The following UNC5D variants were observed in gnomAD, a reference collection of about 807,000 sequenced individuals.
UNC5D encodes the protein unc-5 netrin receptor D.
A neutral mutation model predicts 105.4 loss-of-function variants in UNC5D; 39 were observed. The observed-to-expected ratio is 0.37, with a 90% CI of 0.29 to 0.48. UNC5D has a LOEUF of 0.48. UNC5D is among the 20% of genes least tolerant of loss of function. The pLI, the probability that UNC5D is intolerant of heterozygous loss-of-function variation, is 0.98. For missense variants in UNC5D, 991 were observed against 1,202.4 expected (o/e 0.82, Z 2.60); for synonymous variants, 452 against 450.4 (o/e 1.00, Z -0.04).
chr8:35,575,603 T>G (rs1818037645), intron 3 of UNC5D, among the ~76,000 whole-genome samples: 2 of 152,156 alleles, frequency 1.3e-5, no homozygotes, highest in Non-Finnish European at 2.9e-5. Context: ...TCCCTTCCTA[T>G]CTGTTCAGAA....
chr8:35,312,138 C>T (rs1808936178), intron 1 of UNC5D, among the ~76,000 whole-genome samples: 1 of 152,144 alleles, frequency 6.6e-6, no homozygotes, highest in Non-Finnish European at 1.5e-5. Flanking sequence ...TAATTGAATG[C>T]TGTCACAGCA....
At chr8:35,284,325 C>T (rs558705403) in intron 1 of UNC5D, among the ~76,000 whole-genome samples, 72 of 152,288 alleles carry the variant, frequency 4.7e-4, no homozygotes, top group African/African-American at 1.6e-3. Flanking sequence ...AAATTCACTA[C>T]TTTTGGTGAC....
chr8:35,604,412 A>C (rs555714782), intron 4 of UNC5D, among the ~76,000 whole-genome samples: 9 of 152,298 alleles, frequency 5.9e-5, no homozygotes, highest in Admixed American at 2.6e-4. Context: ...CGGAGAGATC[A>C]GCTGTTAGTC....
intron 1 of UNC5D, among the ~76,000 whole-genome samples, chr8:35,496,697 A>G (rs193247930): frequency 2.0e-5 from 3 of 152,246 alleles, no homozygotes; most frequent in East Asian, 3.9e-4. Context: ...ATTTTAGTAT[A>G]TTTTTAGAAC....
intron 4 of UNC5D, among the ~76,000 whole-genome samples, chr8:35,672,046 G>T (rs1219016984): frequency 1.3e-5 from 2 of 152,116 alleles, no homozygotes; most frequent in South Asian, 2.1e-4. Context: ...CTCACTGACA[G>T]AAATATTTTT....
intron 1 of UNC5D, among the ~76,000 whole-genome samples, chr8:35,416,387 A>G (rs931176924): frequency 3.3e-5 from 5 of 151,958 alleles, no homozygotes; most frequent in African/African-American, 4.8e-5. Context: ...TAATGCACTG[A>G]TTTTTTTTCT....
At chr8:35,680,423 T>A (rs1456099783) in intron 4 of UNC5D, among the ~76,000 whole-genome samples, 3 of 152,120 alleles carry the variant, frequency 2.0e-5, no homozygotes, top group African/African-American at 7.2e-5. Context: ...TGTGGATTTT[T>A]TTTTATTTCA....
At chr8:35,686,522 G>C (rs768758956) in intron 6 of UNC5D, 23 bp from the exon 7 acceptor site, 3 of 1,541,110 alleles carry the variant, frequency 1.9e-6, no homozygotes, top group Non-Finnish European at 1.7e-6. Context: ...TCTAACAATG[G>C]TTTCTTTTGT....
chr8:35,544,170 C>T (rs1353336185), intron 1 of UNC5D, among the ~76,000 whole-genome samples: 1 of 152,150 alleles, frequency 6.6e-6, no homozygotes, highest in Non-Finnish European at 1.5e-5. Context: ...AGGCTTATTA[C>T]CACAATCTGT....
At chr8:35,314,934 A>G (rs1809175851) in intron 1 of UNC5D, among the ~76,000 whole-genome samples, 1 of 152,174 alleles carries the variant, frequency 6.6e-6, no homozygotes, top group Non-Finnish European at 1.5e-5. Context: ...GAAATGATCC[A>G]CAAAAGAAGG....
intron 1 of UNC5D, among the ~76,000 whole-genome samples, chr8:35,260,277 TGGAGC>T (rs1487006778): frequency 2.0e-5 from 3 of 152,142 alleles, no homozygotes; most frequent in African/African-American, 4.8e-5. Flanking sequence ...TAGACACCTC[TGGAGC>T]GGTCCATCAT....
chr8:35,556,025 G>T (rs1195455683), intron 2 of UNC5D, among the ~76,000 whole-genome samples: 1 of 151,890 alleles, frequency 6.6e-6, no homozygotes, highest in African/African-American at 2.4e-5. Context: ...TACTTTTTCA[G>T]GTGGATGTGG....
chr8:35,482,996 T>C (rs1318922193), intron 1 of UNC5D, among the ~76,000 whole-genome samples: 1 of 151,484 alleles, frequency 6.6e-6, no homozygotes, highest in Non-Finnish European at 1.5e-5. Flanking sequence ...AGAGAGGAGG[T>C]TTCACCATGT....
intron 1 of UNC5D, among the ~76,000 whole-genome samples, chr8:35,512,920 A>T (rs888248086): frequency 1.3e-5 from 2 of 151,944 alleles, no homozygotes; most frequent in Non-Finnish European, 2.9e-5. Context: ...ACCTCAAGCA[A>T]TCTGCCTACC....
intron 1 of UNC5D, among the ~76,000 whole-genome samples, chr8:35,443,514 T>C (rs1012746915): frequency 4.0e-5 from 6 of 151,784 alleles, no homozygotes; most frequent in African/African-American, 1.5e-4. Flanking sequence ...TTGGTCTAAG[T>C]GATGGTGGGT....
At position 35,586,328 on chromosome 8, in the gene UNC5D, C is replaced by T. The variant is rs1332376885; in HGVS notation, c.467-9226C>T. Among the ~76,000 whole-genome samples, 6 of 152,268 alleles carry T rather than the reference C, an allele frequency of 3.9e-5. No individual in the cohort carries two copies. In the South Asian group the frequency reaches 8.3e-4, roughly 21 times the overall value. ...TAAGCAAGGTAGAGGGTTTAAGCCA[C>T]GCTTGCGGGAGGAGCGCAGATAATG... On this transcript the variant is annotated intron_variant, in intron 3 of 16. Coordinates refer to ENST00000404895, the MANE Select transcript of UNC5D (RefSeq NM_080872.4).
intron 7 of UNC5D, among the ~76,000 whole-genome samples, chr8:35,697,752 G>T (rs1946743): frequency 0.98 from 149,445 of 152,252 alleles, 73,351 homozygotes; most frequent in East Asian, 1. Context: ...TAAACAAGAC[G>T]GATGTAGACC....
intron 1 of UNC5D, among the ~76,000 whole-genome samples, chr8:35,420,799 A>G (rs1424257336): frequency 6.6e-6 from 1 of 151,878 alleles, no homozygotes; most frequent in African/African-American, 2.4e-5. Flanking sequence ...TAAAGTATAT[A>G]TATTTCTCTC....
At chr8:35,606,076 C>T (rs757939340) in intron 4 of UNC5D, among the ~76,000 whole-genome samples, 1 of 150,954 alleles carries the variant, frequency 6.6e-6, no homozygotes, top group Non-Finnish European at 1.5e-5. Context: ...CAACCTCTGC[C>T]TCCTGGGTTC....
Sources: gnomAD v4.1 joint callset for allele counts (sites outside exome capture counted in the v4.1 genomes callset) on GRCh38, gnomAD v4.1.1 for gene constraint, MANE v1.5 for transcripts, NCBI Gene and HGNC (gene_info 2026-07-23, HGNC 2026-07-21) for gene names.